CDK7: variants seen among roughly 807,000 people sequenced by gnomAD.
The protein encoded by CDK7 is cyclin-dependent kinase 7.
In CDK7, 25 loss-of-function variants were observed where a neutral mutation model predicts 49.1. The observed-to-expected ratio is 0.51, with a 90% CI of 0.37 to 0.71. The LOEUF (loss-of-function observed/expected upper bound fraction) is 0.71, where lower values mean the gene tolerates loss of function less well. Ranked by LOEUF, CDK7 falls within the 30% of genes least tolerant of loss-of-function variation. CDK7 has a pLI of 0.00. For synonymous variants in CDK7, 107 were observed against 140.0 expected (o/e 0.76, Z 1.67); for missense variants, 316 against 411.7 (o/e 0.77, Z 2.01).
At chr5:69,247,511 C>CT (rs149517408) in intron 2 of CDK7, among the ~76,000 whole-genome samples, 22,187 of 143,674 alleles carry the variant, frequency 0.15, 1,737 homozygotes, top group African/African-American at 0.21. Context: ...TTTGGGGCTT[C>CT]TTTTTTTTTT....
intron 8 of CDK7, 149 bp from the exon 9 acceptor site, chr5:69,269,058 G>A (rs766071667): frequency 1.4e-4 from 80 of 560,472 alleles, no homozygotes; most frequent in Non-Finnish European, 2.1e-4. Context: ...CAGAAGAATC[G>A]CTTGAAGTGA....
At chr5:69,255,611 T>C in intron 5 of CDK7, 83 bp downstream of exon 5, 1 of 985,750 alleles carries the variant, frequency 1.0e-6, no homozygotes, top group Non-Finnish European at 1.6e-6. Flanking sequence ...CCCAAGAAGA[T>C]ACTGGTAGTA....
rs1245529563 is a variant in CDK7, at chr5:69,255,362, A to G, written c.229-98A>G. 4.6e-6 allele frequency: 3 copies of G among 652,868 alleles called. No homozygotes were observed. In the African/African-American group the frequency reaches 5.4e-5, roughly 12 times the overall value. 40.4% of individuals were successfully genotyped at this position (652,868 alleles called of 1,614,324 possible). ...TTAAGCTTTATAGGGAATTACCAAC[A>G]GTTTAAATGCTTTTTAAATTTTTAA... On this transcript the variant is annotated intron_variant, in intron 4 of 11. Coordinates refer to ENST00000256443, the MANE Select transcript of CDK7 (RefSeq NM_001799.4).
chr5:69,237,716 C>G (rs182333988), intron 2 of CDK7, among the ~76,000 whole-genome samples: 1 of 152,048 alleles, frequency 6.6e-6, no homozygotes, highest in Non-Finnish European at 1.5e-5. Flanking sequence ...TTTGGGAGCT[C>G]GAGGCAGGCG....
chr5:69,237,679 G>T (rs562851799), intron 2 of CDK7, among the ~76,000 whole-genome samples: 3 of 152,090 alleles, frequency 2.0e-5, no homozygotes, highest in Admixed American at 6.6e-5. Flanking sequence ...AGCTGGGCGC[G>T]GTGGCTCATG....
intron 8 of CDK7, among the ~76,000 whole-genome samples, chr5:69,267,378 A>G (rs1751234837): frequency 7.2e-6 from 1 of 138,718 alleles, no homozygotes; most frequent in African/African-American, 2.7e-5. Flanking sequence ...AGCTCATTGC[A>G]ACCTCTGCCT....
upstream of CDK7, chr5:69,234,873 C>G (rs565877695): frequency 3.4e-6 from 4 of 1,164,332 alleles, no homozygotes; most frequent in Non-Finnish European, 5.0e-6. Flanking sequence ...AGCGACGGAG[C>G]CCGGTGGACG....
At chr5:69,251,566 GTCTC>G (rs900076316) in intron 2 of CDK7, among the ~76,000 whole-genome samples, 1 of 152,082 alleles carries the variant, frequency 6.6e-6, no homozygotes, top group African/African-American at 2.4e-5. Flanking sequence ...GTTTGAGACA[GTCTC>G]TCTCTGTTGC....
At chr5:69,248,539 C>T (rs1459254184) in intron 2 of CDK7, among the ~76,000 whole-genome samples, 4 of 151,990 alleles carry the variant, frequency 2.6e-5, no homozygotes, top group African/African-American at 9.7e-5. Context: ...TAGTCATGTG[C>T]CACCACGCCC....
chr5:69,261,656 A>G (rs1197021361), intron 7 of CDK7, among the ~76,000 whole-genome samples: 2 of 151,874 alleles, frequency 1.3e-5, no homozygotes, highest in Non-Finnish European at 2.9e-5. Flanking sequence ...TCAGCCTCCC[A>G]AGTAGCTGGG....
At chr5:69,270,066 CAA>C (rs768838177) in intron 9 of CDK7, among the ~76,000 whole-genome samples, 26 of 65,578 alleles carry the variant, frequency 4.0e-4, no homozygotes, top group African/African-American at 7.0e-4. Flanking sequence ...ACTCTGTCTC[CAA>C]AAAAAAAAAA....
intron 2 of CDK7, among the ~76,000 whole-genome samples, chr5:69,251,296 C>T (rs911053373): frequency 7.9e-5 from 12 of 151,980 alleles, no homozygotes; most frequent in African/African-American, 2.9e-4. Context: ...GACGGGGTTT[C>T]ACCATATTGT....
intron 2 of CDK7, among the ~76,000 whole-genome samples, chr5:69,249,098 AAC>A (rs1006007635): frequency 3.3e-5 from 5 of 151,074 alleles, no homozygotes; most frequent in African/African-American, 1.2e-4. Flanking sequence ...TAAGGCCCAA[AAC>A]ACTTAGATTT....
intron 6 of CDK7, among the ~76,000 whole-genome samples, chr5:69,259,559 T>C (rs1750688843): frequency 6.6e-6 from 1 of 152,144 alleles, no homozygotes; most frequent in African/African-American, 2.4e-5. Flanking sequence ...ACAGAAAATA[T>C]CAGATTTAAT....
intron 2 of CDK7, among the ~76,000 whole-genome samples, chr5:69,239,235 C>T (rs1461741060): frequency 6.6e-6 from 1 of 152,128 alleles, no homozygotes; most frequent in Non-Finnish European, 1.5e-5. Context: ...TTCTCAACAT[C>T]ATTTGCATTG....
chr5:69,258,421 C>T (rs1377914904), intron 6 of CDK7, among the ~76,000 whole-genome samples: 2 of 148,250 alleles, frequency 1.3e-5, no homozygotes. Context: ...GCTCTGTCAC[C>T]CAGGCTGGAG....
chr5:69,272,506 C>T (rs985957467), intron 9 of CDK7, among the ~76,000 whole-genome samples: 3 of 152,088 alleles, frequency 2.0e-5, no homozygotes, highest in African/African-American at 7.2e-5. Flanking sequence ...TTGAATATTC[C>T]AATATGTGAA....
chr5:69,238,886 A>G (rs1385373447), intron 2 of CDK7, among the ~76,000 whole-genome samples: 1 of 151,962 alleles, frequency 6.6e-6, no homozygotes, highest in East Asian at 1.9e-4. Flanking sequence ...CTGAGTCAAC[A>G]TTATTTCCGA....
chr5:69,275,144 A>C (rs562975804), intron 10 of CDK7, among the ~76,000 whole-genome samples: 13 of 152,204 alleles, frequency 8.5e-5, no homozygotes, highest in African/African-American at 3.1e-4. Context: ...TTGTGGACCC[A>C]AGTCAAGAAA....
Sources: allele counts gnomAD v4.1 joint callset (sites outside exome capture counted in the v4.1 genomes callset), GRCh38; gene constraint gnomAD v4.1.1; transcripts MANE v1.5; gene names NCBI Gene and HGNC (gene_info 2026-07-23, HGNC 2026-07-21).